The following IL33 variants were observed in gnomAD, a reference collection of about 807,000 sequenced individuals.
The protein encoded by IL33 is interleukin 33.
A neutral mutation model predicts 27.3 loss-of-function variants in IL33; 37 were observed. The observed-to-expected ratio is 1.36, with a 90% CI of 1.04 to 1.78. The LOEUF is 1.78. Ranked by LOEUF, IL33 falls within the 40% of genes most tolerant of loss-of-function variation. The pLI, the probability that IL33 is intolerant of heterozygous loss-of-function variation, is 0.00. For missense variants in IL33, 406 were observed against 311.4 expected (o/e 1.30, Z -2.29); for synonymous variants, 132 against 102.9 (o/e 1.28, Z -1.71).
rs1362113739 is a variant in IL33, at chr9:6,257,982, T to G, written c.*1814T>G. ...TTGAATAAAGTATATTTTCCAAATG[T>G]ATGTGAGACTATAATGATTTTATCA... is the stretch of plus-strand genomic sequence containing the variant. On this transcript the variant is annotated 3_prime_UTR_variant, in exon 8 of 8. Coordinates refer to ENST00000682010, the MANE Select transcript of IL33 (RefSeq NM_033439.4). 1 of 152,234 alleles carries G rather than the reference T, an allele frequency of 6.6e-6. No homozygotes were observed. Among genetic ancestry groups the G allele is most frequent in the African/African-American group, 2.4e-5 (1 of 41,470 alleles). The allele number at this position is 152,234 out of a possible 1,614,324, so 9.4% of individuals were successfully genotyped here. A position where few individuals can be genotyped will look rare whatever the true frequency, so the allele number is the denominator to read the frequency against.
chr9:6,232,761 G>A (rs1471102754), intron 1 of IL33, among the ~76,000 whole-genome samples: 1 of 152,088 alleles, frequency 6.6e-6, no homozygotes, highest in Non-Finnish European at 1.5e-5. Flanking sequence ...TATTGCCTCT[G>A]CTGCTGTCAC....
At chr9:6,240,021 C>G (rs1010900768) in intron 1 of IL33, among the ~76,000 whole-genome samples, 2 of 152,118 alleles carry the variant, frequency 1.3e-5, no homozygotes, top group African/African-American at 4.8e-5. Context: ...CAGTCAAAAC[C>G]ATGTAACATA....
rs74369502 is a variant in IL33 at position 6,219,149 on chromosome 9, A to G, written c.-12+3297A>G. On this transcript the variant is annotated intron_variant, in intron 1 of 7. Transcript: ENST00000682010. ...ACATTTAGAAACATTAAGACCAAAT[A>G]TAAACTCCTGAAACAGCAGAAAGAA... Among the ~76,000 whole-genome samples, 36 of 151,740 alleles carry G rather than the reference A, an allele frequency of 2.4e-4. 1 individual carries two copies. In the East Asian group the frequency reaches 6.4e-3, roughly 27 times the overall value.
At chr9:6,238,165 T>C (rs753665061) in intron 1 of IL33, among the ~76,000 whole-genome samples, 2 of 152,166 alleles carry the variant, frequency 1.3e-5, no homozygotes, top group Non-Finnish European at 2.9e-5. Context: ...GGCATCAAGA[T>C]GGAAGTCAGG....
intron 1 of IL33, among the ~76,000 whole-genome samples, chr9:6,220,787 T>C (rs895313931): frequency 2.0e-5 from 3 of 152,084 alleles, no homozygotes; most frequent in African/African-American, 7.2e-5. Flanking sequence ...TGAGACAGAG[T>C]CTGTCACCCA....
chr9:6,221,382 T>C (rs1296402047), intron 1 of IL33, among the ~76,000 whole-genome samples: 1 of 152,226 alleles, frequency 6.6e-6, no homozygotes, highest in Non-Finnish European at 1.5e-5. Context: ...ATACCGTGCC[T>C]AGGACCTGAC....
chr9:6,237,285 A>G lies in IL33; in HGVS notation c.-11-4399A>G, dbSNP rs543427434. Among the ~76,000 whole-genome samples the G allele has an allele frequency of 2.0e-5, 3 of 152,360 alleles. No individual in the cohort carries two copies. The South Asian group carries it at 6.2e-4, about 32-fold the overall frequency. On this transcript the variant is annotated intron_variant, in intron 1 of 7. Transcript: ENST00000682010. The stretch of plus-strand genomic sequence containing the variant: ...AGGGGAGTAATGAGTCAATTTTAGT[A>G]TGAAAAAAATGGTGAAAAGAGTGAT...
chr9:6,252,637 C>G (rs761380445), intron 4 of IL33, among the ~76,000 whole-genome samples: 1 of 152,208 alleles, frequency 6.6e-6, no homozygotes, highest in African/African-American at 2.4e-5. Flanking sequence ...CATAAGCACA[C>G]TCACATGGCC....
At chr9:6,244,164 T>C (rs1211297605) in intron 2 of IL33, among the ~76,000 whole-genome samples, 1 of 152,184 alleles carries the variant, frequency 6.6e-6, no homozygotes, top group African/African-American at 2.4e-5. Context: ...AAAGTTAAAA[T>C]GTAACCCCTC....
At position 6,250,457 on chromosome 9, in the gene IL33, G is replaced by C. The variant is rs758139247; in HGVS notation, c.92-17G>C. On this transcript the variant is annotated splice_polypyrimidine_tract_variant and intron_variant, in intron 2 of 7. Coordinates refer to ENST00000682010, the MANE Select transcript of IL33 (RefSeq NM_033439.4). ...TGAATGGAATGAAACAGTCTCACAA[G>C]TTTTTCAATTGTTTAGAATCCCAAC... 1.2e-6 allele frequency: 2 copies of C among 1,610,246 alleles called. No individual in the cohort carries two copies. Among genetic ancestry groups the C allele is most frequent in the African/African-American group, 1.3e-5 (1 of 74,664 alleles).
chr9:6,246,145 C>T (rs552978766), intron 2 of IL33, among the ~76,000 whole-genome samples: 102 of 142,762 alleles, frequency 7.1e-4, no homozygotes, highest in African/African-American at 2.4e-3. Flanking sequence ...TCAAGATAGG[C>T]AATTCAGGAG....
At chr9:6,240,942 T>G (rs572935818) in intron 1 of IL33, among the ~76,000 whole-genome samples, 1 of 152,274 alleles carries the variant, frequency 6.6e-6, no homozygotes, top group Admixed American at 6.5e-5. Context: ...ATTTTAAACA[T>G]TTTTAATTTT....
chr9:6,255,730 C>CTGG (rs1816687613), intron 7 of IL33, among the ~76,000 whole-genome samples: 1 of 152,106 alleles, frequency 6.6e-6, no homozygotes, highest in African/African-American at 2.4e-5. Flanking sequence ...CAGATCCAAT[C>CTGG]ACCCTAATCC....
At chr9:6,236,100 A>G (rs988041173) in intron 1 of IL33, among the ~76,000 whole-genome samples, 21 of 152,240 alleles carry the variant, frequency 1.4e-4, no homozygotes, top group Admixed American at 1.2e-3. Flanking sequence ...AAACAAAAAC[A>G]AAAATAAAAT....
intron 1 of IL33, among the ~76,000 whole-genome samples, chr9:6,217,698 G>T (rs1197852096): frequency 1.3e-5 from 2 of 152,160 alleles, no homozygotes; most frequent in Non-Finnish European, 2.9e-5. Context: ...TTCCTTTGAA[G>T]ATTGTTTTCT....
chr9:6,221,371 GA>G (rs1303969027), intron 1 of IL33, among the ~76,000 whole-genome samples: 1 of 152,112 alleles, frequency 6.6e-6, no homozygotes. Flanking sequence ...ATGTTTGGAG[GA>G]TACCGTGCCT....
rs10815391 is a variant in IL33 at position 6,240,235 on chromosome 9, T to C, written c.-11-1449T>C. Among the ~76,000 whole-genome samples the C allele has an allele frequency of 1.3e-5, 2 of 151,998 alleles. 1 individual carries two copies. Among genetic ancestry groups the C allele is most frequent in the Admixed American group, 1.3e-4 (2 of 15,268 alleles). ...ATGTGCTCAAAGTGGTTGGTGTGCA[T>C]TTTGGTTTTATGCATTTTAGGGAGA... On this transcript the variant is annotated intron_variant, in intron 1 of 7. Transcript: ENST00000682010.
intron 4 of IL33, 39 bp downstream of exon 4, chr9:6,251,304 G>A (rs764180156): frequency 1.2e-6 from 2 of 1,608,666 alleles, no homozygotes; most frequent in South Asian, 2.2e-5. Flanking sequence ...AGTGAGGAGG[G>A]AGGTATGACA....
At chr9:6,230,912 T>C (rs16924161) in intron 1 of IL33, among the ~76,000 whole-genome samples, 21,276 of 152,196 alleles carry the variant, frequency 0.14, 1,977 homozygotes, top group East Asian at 0.42. Context: ...CTTACCTATG[T>C]GACGTTTTGC....
Sources: gnomAD v4.1 joint callset for allele counts (sites outside exome capture counted in the v4.1 genomes callset) on GRCh38, gnomAD v4.1.1 for gene constraint, MANE v1.5 for transcripts, NCBI Gene and HGNC (gene_info 2026-07-23, HGNC 2026-07-21) for gene names.